Variants in R3HDM2 observed in about 807,000 individuals in gnomAD.
R3HDM2 encodes R3H domain containing 2.
Under a neutral mutation model 124.5 loss-of-function variants are expected in R3HDM2, and 38 were observed. That is an observed-to-expected ratio of 0.31 (90% confidence interval 0.24 to 0.40). The LOEUF (loss-of-function observed/expected upper bound fraction) is 0.40, where lower values mean the gene tolerates loss of function less well. Ranked by LOEUF, R3HDM2 falls within the 10% of genes least tolerant of loss-of-function variation. R3HDM2 has a pLI of 1.00. For synonymous variants in R3HDM2, 391 were observed against 448.0 expected (o/e 0.87, Z 1.61); for missense variants, 869 against 1,236.9 (o/e 0.70, Z 4.46).
At chr12:57,382,769 G>A (rs1029046457) in intron 2 of R3HDM2, among the ~76,000 whole-genome samples, 4 of 151,794 alleles carry the variant, frequency 2.6e-5, no homozygotes, top group Non-Finnish European at 4.4e-5. Context: ...CCAGGAGGCG[G>A]AGCTTGCAGT....
intron 19 of R3HDM2, among the ~76,000 whole-genome samples, chr12:57,260,698 C>G (rs933847851): frequency 2.6e-5 from 4 of 152,126 alleles, no homozygotes; most frequent in Non-Finnish European, 5.9e-5. Flanking sequence ...TTTGGGGTTA[C>G]TAGCTTGAAA....
intron 2 of R3HDM2, among the ~76,000 whole-genome samples, chr12:57,348,693 C>CAAAAAAAAAAAAAAAAAAA (rs1168127324): frequency 1.2e-4 from 3 of 25,150 alleles, no homozygotes; most frequent in African/African-American, 4.9e-4. Flanking sequence ...GACTCCGTCT[C>CAAAAAAAAAAAAAAAAAAA]AAAAAAAAAA....
At chr12:57,344,193 T>G (rs2059877811) in intron 2 of R3HDM2, among the ~76,000 whole-genome samples, 1 of 152,184 alleles carries the variant, frequency 6.6e-6, no homozygotes, top group African/African-American at 2.4e-5. Context: ...ACTATAAGAA[T>G]AGCCATCAGC....
At chr12:57,408,614 G>C (rs2068737490) in intron 1 of R3HDM2, among the ~76,000 whole-genome samples, 1 of 151,858 alleles carries the variant, frequency 6.6e-6, no homozygotes. Flanking sequence ...GAATATAGAT[G>C]AAACAAAATT....
At chr12:57,388,727 G>A (rs559896883) in intron 2 of R3HDM2, among the ~76,000 whole-genome samples, 6 of 152,122 alleles carry the variant, frequency 3.9e-5, no homozygotes, top group Admixed American at 3.3e-4. Flanking sequence ...CCTTGGTCCC[G>A]CCAGCCTGAC....
intron 2 of R3HDM2, among the ~76,000 whole-genome samples, chr12:57,328,843 A>G (rs980601323): frequency 1.1e-4 from 16 of 152,174 alleles, no homozygotes. Flanking sequence ...GTATTAATGG[A>G]TGACAGTATA....
intron 1 of R3HDM2, chr12:57,430,435 G>C: frequency 1.2e-6 from 1 of 809,738 alleles, no homozygotes. Flanking sequence ...GCACTGGAAG[G>C]GCGCAATAGT....
Position 57,255,979 on chromosome 12 carries a change from C to T in R3HDM2, c.2632+11G>A. The T allele has an allele frequency of 6.2e-7, 1 of 1,609,254 alleles. No individual in the cohort carries two copies. Among genetic ancestry groups the T allele is most frequent in the Non-Finnish European group, 8.5e-7 (1 of 1,177,380 alleles). ...CACCTTCTCTTGGGGATTCAGCATC[C>T]CGTGACTCACCAACATCTGCTGTCC... On this transcript the variant is annotated intron_variant, in intron 23 of 23. Transcript: ENST00000402412.
intron 1 of R3HDM2, among the ~76,000 whole-genome samples, chr12:57,410,973 A>G (rs1178872440): frequency 6.6e-6 from 1 of 152,240 alleles, no homozygotes; most frequent in Non-Finnish European, 1.5e-5. Flanking sequence ...AAGTAACAGA[A>G]ATAATGGGAA....
chr12:57,292,503 T>C, intron 11 of R3HDM2, 69 bp downstream of exon 11: 2 of 1,081,324 alleles, frequency 1.8e-6, no homozygotes, highest in Non-Finnish European at 1.4e-6. Context: ...GGAGGGTTCA[T>C]TCCATTCACA....
chr12:57,372,119 G>C (rs2063462840), intron 2 of R3HDM2, among the ~76,000 whole-genome samples: 1 of 152,084 alleles, frequency 6.6e-6, no homozygotes, highest in African/African-American at 2.4e-5. Flanking sequence ...CACCCACCTT[G>C]GACTCTCAAA....
intron 18 of R3HDM2, 101 bp from the exon 19 acceptor site, chr12:57,266,932 A>G: frequency 3.6e-6 from 3 of 833,292 alleles, no homozygotes; most frequent in Non-Finnish European, 5.5e-6. Context: ...TGGGAAGGAG[A>G]GGCAACTTCA....
At chr12:57,400,941 G>A (rs501055) in intron 1 of R3HDM2, among the ~76,000 whole-genome samples, 35,947 of 151,810 alleles carry the variant, frequency 0.24, 4,605 homozygotes, top group South Asian at 0.43. Flanking sequence ...GAAAATATCA[G>A]TCCCCAGCCA....
At chr12:57,316,461 C>A (rs1344570950) in intron 2 of R3HDM2, among the ~76,000 whole-genome samples, 1 of 151,908 alleles carries the variant, frequency 6.6e-6, no homozygotes, top group Admixed American at 6.6e-5. Flanking sequence ...TTTTAAGCCT[C>A]TGGAAGAAAC....
intron 2 of R3HDM2, among the ~76,000 whole-genome samples, chr12:57,394,037 A>C (rs2067118790): frequency 6.6e-6 from 1 of 152,218 alleles, no homozygotes; most frequent in Non-Finnish European, 1.5e-5. Context: ...GTGGTGGCTC[A>C]TATCTGTAAT....
intron 3 of R3HDM2, among the ~76,000 whole-genome samples, chr12:57,308,929 G>A (rs895738884): frequency 6.6e-6 from 1 of 152,194 alleles, no homozygotes; most frequent in African/African-American, 2.4e-5. Flanking sequence ...AGTACAGCTG[G>A]AACAGTGGCA....
rs143370650 is a variant in R3HDM2, at chr12:57,320,356, T to C, written c.-35-9893A>G. 8.3e-3 allele frequency among the ~76,000 whole-genome samples: 1,252 copies of C among 150,400 alleles called. 9 individuals are homozygous for C. Among genetic ancestry groups the C allele is most frequent in the Non-Finnish European group, 0.01 (695 of 67,762 alleles). The stretch of plus-strand genomic sequence containing the variant: ...AGAGAAGTAATTCCATTCTTAATAG[T>C]TTATTTGGTATAGAGAAGAAATTAA... On this transcript the variant is annotated intron_variant, in intron 2 of 23. Transcript: ENST00000402412.
At chr12:57,336,106 C>T (rs7307059) in intron 2 of R3HDM2, among the ~76,000 whole-genome samples, 67,518 of 150,806 alleles carry the variant, frequency 0.45, 15,638 homozygotes, top group South Asian at 0.52. Flanking sequence ...TAATTTCATA[C>T]CTCACACCAG....
chr12:57,351,014 C>T (rs1338561697), intron 2 of R3HDM2, among the ~76,000 whole-genome samples: 1 of 152,164 alleles, frequency 6.6e-6, no homozygotes, highest in Non-Finnish European at 1.5e-5. Flanking sequence ...CAAAGAATTG[C>T]TTGAACCTTG....
Sources: gnomAD v4.1 joint callset for allele counts (sites outside exome capture counted in the v4.1 genomes callset) on GRCh38, gnomAD v4.1.1 for gene constraint, MANE v1.5 for transcripts, NCBI Gene and HGNC (gene_info 2026-07-23, HGNC 2026-07-21) for gene names.